The following ARPC2 variants were observed in gnomAD, a reference collection of about 807,000 sequenced individuals.
The protein encoded by ARPC2 is actin related protein 2/3 complex subunit 2.
Under a neutral mutation model 38.6 loss-of-function variants are expected in ARPC2, and 4 were observed. The ratio of observed to expected loss-of-function variants is 0.10; its 90% CI spans 0.05 to 0.24. ARPC2 has a LOEUF of 0.24. Among genes scored for constraint, ARPC2 ranks in the 10% least tolerant of loss-of-function variants. The probability of loss-of-function intolerance (pLI) is 1.00; values close to 1 mark genes in which losing one functional copy is unlikely to be tolerated. For synonymous variants in ARPC2, 125 were observed against 140.8 expected (o/e 0.89, Z 0.79); for missense variants, 229 against 387.3 (o/e 0.59, Z 3.43).
chr2:218,237,592 T>G (rs1304471594), intron 5 of ARPC2, among the ~76,000 whole-genome samples: 2 of 151,598 alleles, frequency 1.3e-5, no homozygotes, highest in African/African-American at 4.9e-5. Context: ...TGTTTTTTTT[T>G]TTTGGAGCTG....
intron 5 of ARPC2, chr2:218,234,964 C>A: frequency 2.3e-6 from 1 of 431,686 alleles, no homozygotes; most frequent in Non-Finnish European, 4.6e-6. Context: ...AGTGGAAAAA[C>A]TGAACAGCCT....
At chr2:218,246,197 A>G (rs1166718779) in intron 8 of ARPC2, among the ~76,000 whole-genome samples, 1 of 151,274 alleles carries the variant, frequency 6.6e-6, no homozygotes. Flanking sequence ...AGCCTGGGCA[A>G]CAGAACAAGA....
chr2:218,239,078 T>G (rs893104461), intron 6 of ARPC2: 5 of 565,348 alleles, frequency 8.8e-6, no homozygotes, highest in African/African-American at 7.5e-5. Flanking sequence ...AGTGCTTTCC[T>G]TTAAGGCACC....
At position 218,245,533 on chromosome 2, in the gene ARPC2, C is replaced by G. The variant is rs1444012819; in HGVS notation, c.663C>G (p.Gly221=). Residue 221 remains glycine (G), a synonymous_variant, in exon 8 of 11, where the codon GGC becomes GGG. Coordinates refer to ENST00000315717, the MANE Select transcript of ARPC2 (RefSeq NM_152862.3). ...DTDAAVGDNI[G]YITFVLFPRH... is the part of the protein sequence containing the mutation. ...ACGCCGCTGTGGGTGACAACATTGGCTACATTACCTTTGGTGAGCAGGGTG... is the reference window on the plus strand; with the variant it reads ...ACGCCGCTGTGGGTGACAACATTGGGTACATTACCTTTGGTGAGCAGGGTG... 6.2e-7 allele frequency: 1 copy of G among 1,614,044 alleles called. No homozygotes were observed. Among genetic ancestry groups the G allele is most frequent in the Non-Finnish European group, 8.5e-7 (1 of 1,180,012 alleles).
At chr2:218,244,471 A>T (rs1219946734) in intron 7 of ARPC2, among the ~76,000 whole-genome samples, 1 of 152,268 alleles carries the variant, frequency 6.6e-6, no homozygotes, top group Non-Finnish European at 1.5e-5. Context: ...TGTGCTGCAT[A>T]GCCTCTTTGA....
rs111697110 is a variant in ARPC2 at position 218,239,371 on chromosome 2, A to G, written c.456-20A>G. 9.3e-4 allele frequency: 1,458 copies of G among 1,564,666 alleles called. 11 individuals carry two copies. In the African/African-American group the frequency reaches 0.016, roughly 17 times the overall value. Reference sequence around the variant, plus strand: ...CCATTCTGATTCTGTACTTATCCTCATGGATTTTGTTCCTCTCAGGTATGT... The same window carrying G: ...CCATTCTGATTCTGTACTTATCCTCGTGGATTTTGTTCCTCTCAGGTATGT... On this transcript the variant is annotated intron_variant, in intron 6 of 10. Coordinates refer to ENST00000315717, the MANE Select transcript of ARPC2 (RefSeq NM_152862.3).
chr2:218,230,310 TTGACAAG>T (rs1689604632), intron 4 of ARPC2, among the ~76,000 whole-genome samples: 1 of 131,868 alleles, frequency 7.6e-6, no homozygotes, highest in Non-Finnish European at 1.5e-5. Flanking sequence ...TTTTTTTTTT[TTGACAAG>T]GTCTTGTTCT....
chr2:218,217,568 G>A (rs1201070577), intron 2 of ARPC2, 24 bp downstream of exon 2: 3 of 1,599,350 alleles, frequency 1.9e-6, no homozygotes, highest in Non-Finnish European at 2.6e-6. Context: ...CGGGGCCGGG[G>A]GTGGCGGGGG....
intron 10 of ARPC2, among the ~76,000 whole-genome samples, chr2:218,251,147 C>T (rs1175725244): frequency 2.0e-5 from 3 of 152,040 alleles, no homozygotes; most frequent in African/African-American, 4.8e-5. Flanking sequence ...TCATAAGCCT[C>T]CCTCACAGCC....
chr2:218,226,882 C>A, intron 3 of ARPC2: 1 of 338,086 alleles, frequency 3.0e-6, no homozygotes. Flanking sequence ...TTGCCTAGCA[C>A]TAGAGTAGTA....
Position 218,239,497 on chromosome 2 carries a change from C to T in ARPC2, c.549+13C>T, listed in dbSNP as rs1018213083. 9 of 1,605,826 alleles carry T rather than the reference C, an allele frequency of 5.6e-6. No homozygotes were observed. The African/African-American group carries it at 1.2e-4, about 21-fold the overall frequency. ...GGTGTTCATGCAGGTATGGAGCAGA[C>T]ATCTTGGGGGAAACCCATGCATGGC... is the stretch of plus-strand genomic sequence containing the variant. On this transcript the variant is annotated intron_variant, in intron 7 of 10. Coordinates refer to ENST00000315717, the MANE Select transcript of ARPC2 (RefSeq NM_152862.3).
rs1690259336 is a variant in ARPC2 at position 218,254,063 on chromosome 2, G to T, written c.*148G>T. 2 of 894,484 alleles carry T rather than the reference G, an allele frequency of 2.2e-6. No homozygotes were observed. Among genetic ancestry groups the T allele is most frequent in the Non-Finnish European group, 1.7e-6 (1 of 599,514 alleles). 55.4% of individuals were successfully genotyped at this position (894,484 alleles called of 1,614,324 possible). ...TTTGTACACGTTTGGAAAATAATCTGCAGAAACGAGCTGTGCTTGCAAAGA... is the reference window on the plus strand; with the variant it reads ...TTTGTACACGTTTGGAAAATAATCTTCAGAAACGAGCTGTGCTTGCAAAGA... On this transcript the variant is annotated 3_prime_UTR_variant, in exon 11 of 11. Coordinates refer to ENST00000315717, the MANE Select transcript of ARPC2 (RefSeq NM_152862.3).
At chr2:218,238,943 T>G (rs1174828005) in intron 6 of ARPC2, 93 bp downstream of exon 6, 1 of 1,036,880 alleles carries the variant, frequency 9.6e-7, no homozygotes, top group East Asian at 2.5e-5. Flanking sequence ...AACTTTCAGC[T>G]GTATTGCGTG....
intron 2 of ARPC2, among the ~76,000 whole-genome samples, chr2:218,220,358 G>T (rs1200867104): frequency 6.6e-6 from 1 of 152,140 alleles, no homozygotes; most frequent in African/African-American, 2.4e-5. Flanking sequence ...AAAGTGGCTG[G>T]CTAAATTTAA....
At position 218,217,590 on chromosome 2, in the gene ARPC2, ACC is replaced by A. The variant is rs1024403689; in HGVS notation, c.74+49_74+50del. 7.7e-6 allele frequency: 12 copies of A among 1,549,782 alleles called. No individual in the cohort carries two copies. In the African/African-American group the frequency reaches 1.5e-4, roughly 19 times the overall value. On this transcript the variant is annotated intron_variant, in intron 2 of 10. Transcript: ENST00000315717. ...GGGGGTGGCGGGGGAAGCAGAGTTG[ACC>A]CCAGCTAATCCCCAATGTTGTCCAG...
intron 7 of ARPC2, among the ~76,000 whole-genome samples, chr2:218,240,258 T>A (rs1574588596): frequency 6.6e-6 from 1 of 152,074 alleles, no homozygotes; most frequent in Middle Eastern, 3.2e-3. Flanking sequence ...CAGCCTGATA[T>A]TTTTTTTCTC....
At position 218,249,755 on chromosome 2, in the gene ARPC2, G is replaced by T. The variant is rs532655509; in HGVS notation, c.778-66G>T. 7 of 1,477,496 alleles carry T rather than the reference G, an allele frequency of 4.7e-6. No individual in the cohort carries two copies. The African/African-American group carries it at 9.8e-5, about 21-fold the overall frequency. 91.5% of individuals were successfully genotyped at this position (1,477,496 alleles called of 1,614,324 possible). A position where few individuals can be genotyped will look rare whatever the true frequency, so the allele number is the denominator to read the frequency against. On this transcript the variant is annotated intron_variant, in intron 9 of 10. Transcript: ENST00000315717. ...AACCGCCCTTGATGACCTCTCTGAT[G>T]AAAGACAGCAAAGCTGTCTTTCTAG...
At chr2:218,217,849 C>T (rs1409578817) in intron 2 of ARPC2, among the ~76,000 whole-genome samples, 1 of 152,218 alleles carries the variant, frequency 6.6e-6, no homozygotes, top group Admixed American at 6.5e-5. Context: ...CGGAGTAGCC[C>T]CCTGCCCTCT....
chr2:218,247,505 C>A (rs1314104307), intron 8 of ARPC2, among the ~76,000 whole-genome samples: 1 of 152,098 alleles, frequency 6.6e-6, no homozygotes, highest in African/African-American at 2.4e-5. Flanking sequence ...TCTCTGTCAC[C>A]CAGGCTGGAG....
Sources: gnomAD v4.1 joint callset for allele counts (sites outside exome capture counted in the v4.1 genomes callset) on GRCh38, gnomAD v4.1.1 for gene constraint, MANE v1.5 for transcripts, NCBI Gene and HGNC (gene_info 2026-07-23, HGNC 2026-07-21) for gene names.